PRDM1: variants seen among roughly 807,000 people sequenced by gnomAD.
The protein encoded by PRDM1 is PR domain zinc finger protein 1.
PRDM1 carries 13 observed loss-of-function variants against 62.8 expected under a neutral mutation model. The ratio of observed to expected loss-of-function variants is 0.21; its 90% confidence interval spans 0.13 to 0.33. The LOEUF (loss-of-function observed/expected upper bound fraction) is 0.33, where lower values mean the gene tolerates loss of function less well. Among genes scored for constraint, PRDM1 ranks in the 10% least tolerant of loss-of-function variants. The pLI is 1.00. For synonymous variants in PRDM1, 396 were observed against 417.6 expected (o/e 0.95, Z 0.63); for missense variants, 895 against 1,058.8 (o/e 0.85, Z 2.15).
upstream of PRDM1, among the ~76,000 whole-genome samples, chr6:106,084,774 A>G (rs1249527985): frequency 6.6e-6 from 1 of 152,152 alleles, no homozygotes; most frequent in African/African-American, 2.4e-5. Context: ...TTGTTCATTC[A>G]GTTTTCCACC....
upstream of PRDM1, among the ~76,000 whole-genome samples, chr6:106,047,891 G>T (rs1773106301): frequency 6.6e-6 from 1 of 152,134 alleles, no homozygotes; most frequent in South Asian, 2.1e-4. Flanking sequence ...AAACACCTGG[G>T]ACATTTAAAT....
At chr6:106,030,573 G>C (rs532735666) in intron 1 of PRDM1, among the ~76,000 whole-genome samples, 4 of 152,104 alleles carry the variant, frequency 2.6e-5, no homozygotes, top group South Asian at 2.1e-4. Flanking sequence ...TGACGGGGGT[G>C]GGGGGCAGGT....
In PRDM1 at chr6:106,007,601, A is replaced by G. The variant is rs1360725174; in HGVS notation, c.-67+13962A>G. On this transcript the variant is annotated intron_variant, in intron 1 of 6. Coordinates refer to the PRDM1 transcript ENST00000652320. Reference sequence around the variant, plus strand: ...TACATTCATAACTAATATTCTTGGTACTTTTAATTTTTTTAATTTCTTAAG... The same window carrying G: ...TACATTCATAACTAATATTCTTGGTGCTTTTAATTTTTTTAATTTCTTAAG... Among the ~76,000 whole-genome samples, 3 of 152,276 alleles carry G rather than the reference A, an allele frequency of 2.0e-5. No homozygotes were observed. The East Asian group carries it at 5.8e-4, about 29-fold the overall frequency.
chr6:106,091,956 C>T (rs978688451), intron 2 of PRDM1, among the ~76,000 whole-genome samples: 1 of 151,954 alleles, frequency 6.6e-6, no homozygotes, highest in African/African-American at 2.4e-5. Context: ...TATAATCTAA[C>T]GAGTCATTCT....
chr6:106,043,740 G>A (rs1421699838), upstream of PRDM1, among the ~76,000 whole-genome samples: 5 of 151,990 alleles, frequency 3.3e-5, no homozygotes, highest in African/African-American at 4.8e-5. Context: ...CTCCCTGTTG[G>A]TCAAGCTGGT....
chr6:106,059,628 T>C (rs1773315780), intron 1 of PRDM1, among the ~76,000 whole-genome samples: 1 of 152,188 alleles, frequency 6.6e-6, no homozygotes. Flanking sequence ...CTTTCACAGA[T>C]TTCTGAATGT....
chr6:106,056,874 GC>G (rs11312166), intron 1 of PRDM1, among the ~76,000 whole-genome samples: 135,384 of 152,124 alleles, frequency 0.89, 60,308 homozygotes, highest in South Asian at 0.94. Flanking sequence ...TTGTTATTTG[GC>G]TTGGGAAGGT....
intron 1 of PRDM1, among the ~76,000 whole-genome samples, chr6:106,015,658 T>C (rs1379600385): frequency 6.6e-6 from 1 of 152,164 alleles, no homozygotes; most frequent in East Asian, 1.9e-4. Context: ...TATTTATCTG[T>C]TTATATCATT....
intron 1 of PRDM1, among the ~76,000 whole-genome samples, chr6:106,060,634 AAGT>A (rs1773331286): frequency 6.6e-6 from 1 of 152,130 alleles, no homozygotes; most frequent in African/African-American, 2.4e-5. Context: ...GAGAATGAAA[AAGT>A]AGGGCAGTTG....
chr6:106,013,450 C>T (rs914928922), intron 1 of PRDM1, among the ~76,000 whole-genome samples: 35 of 151,608 alleles, frequency 2.3e-4, no homozygotes, highest in African/African-American at 7.8e-4. Context: ...GCCTCAGCCT[C>T]CCGAGTAGCT....
intron 1 of PRDM1, among the ~76,000 whole-genome samples, chr6:106,041,889 C>T (rs1386016829): frequency 1.3e-5 from 2 of 149,486 alleles, no homozygotes; most frequent in Non-Finnish European, 3.0e-5. Flanking sequence ...CTGACTGCAT[C>T]CTCCACCTCC....
At chr6:106,089,824 G>GT (rs560271027) in intron 2 of PRDM1, among the ~76,000 whole-genome samples, 15 of 152,206 alleles carry the variant, frequency 9.9e-5, no homozygotes, top group African/African-American at 3.4e-4. Context: ...AGTGTAGTGT[G>GT]TTTTTTCCCC....
Position 106,106,618 on chromosome 6 carries a change from C to A in PRDM1, c.1902+119C>A. Reference sequence around the variant, plus strand: ...ACACCAGATTCTGCGTTGTCCCATCCTGGACTGATGGCACTATGGTCCTTC... The same window carrying A: ...ACACCAGATTCTGCGTTGTCCCATCATGGACTGATGGCACTATGGTCCTTC... On this transcript the variant is annotated intron_variant, in intron 6 of 6. Coordinates refer to ENST00000369096, the MANE Select transcript of PRDM1 (RefSeq NM_001198.4). This position sits in a 1 kb window ranked among gnomAD's most constrained non-coding sequence, Gnocchi z 4.4. The A allele has an allele frequency of 7.2e-7, 1 of 1,383,656 alleles. No homozygotes were observed. Among genetic ancestry groups the A allele is most frequent in the Non-Finnish European group, 9.8e-7 (1 of 1,016,804 alleles). The allele number at this position is 1,383,656 out of a possible 1,614,324, so 85.7% of individuals were successfully genotyped here.
chr6:106,076,245 C>T (rs561253357), intron 1 of PRDM1, among the ~76,000 whole-genome samples: 2 of 152,196 alleles, frequency 1.3e-5, no homozygotes, highest in Admixed American at 6.5e-5. Context: ...GCATTACAGG[C>T]GTGAACCACT....
intron 1 of PRDM1, among the ~76,000 whole-genome samples, chr6:106,075,809 A>G (rs1773595474): frequency 6.6e-6 from 1 of 151,934 alleles, no homozygotes; most frequent in African/African-American, 2.4e-5. Flanking sequence ...CTCCTGCCTC[A>G]GTCTCCAGAG....
chr6:106,095,793 A>T (rs1026331112), intron 3 of PRDM1, 59 bp downstream of exon 3: 4 of 1,583,306 alleles, frequency 2.5e-6, no homozygotes, highest in African/African-American at 2.7e-5. Flanking sequence ...GAGCTAAAAG[A>T]GCTGGGTGGC....
intron 1 of PRDM1, among the ~76,000 whole-genome samples, chr6:106,062,653 T>C (rs1773361727): frequency 6.6e-6 from 1 of 152,152 alleles, no homozygotes; most frequent in African/African-American, 2.4e-5. Context: ...TTTCAAAGCG[T>C]TTTCCAACAT....
chr6:106,095,798 G>T (rs983625206), intron 3 of PRDM1, 64 bp downstream of exon 3: 1 of 1,568,130 alleles, frequency 6.4e-7, no homozygotes, highest in African/African-American at 1.4e-5. Flanking sequence ...AAAAGAGCTG[G>T]GTGGCTCACC....
intron 1 of PRDM1, among the ~76,000 whole-genome samples, chr6:106,071,377 G>A (rs1413727736): frequency 2.0e-5 from 3 of 151,676 alleles, no homozygotes; most frequent in Admixed American, 6.6e-5. Context: ...TGTAAGTCAC[G>A]TGTGTATATA....
Sources: allele counts gnomAD v4.1 joint callset (sites outside exome capture counted in the v4.1 genomes callset), GRCh38; gene constraint gnomAD v4.1.1; non-coding constraint Gnocchi (gnomAD v3.1); transcripts MANE v1.5; gene names NCBI Gene and HGNC (gene_info 2026-07-23, HGNC 2026-07-21).